FARP1: variants seen among roughly 807,000 people sequenced by gnomAD.
FARP1 encodes the protein FERM, ARH/RhoGEF and pleckstrin domain protein 1.
FARP1 carries 52 observed loss-of-function variants against 128.8 expected under a neutral mutation model. That is an observed-to-expected ratio of 0.40 (90% CI 0.32 to 0.51). The LOEUF (loss-of-function observed/expected upper bound fraction) is 0.51, where lower values mean the gene tolerates loss of function less well. FARP1 is among the 20% of genes least tolerant of loss of function. FARP1 has a pLI of 0.45. For missense variants in FARP1, 1,333 were observed against 1,367.9 expected, an observed-to-expected ratio of 0.97 and a Z score of 0.40; for synonymous variants, 580 against 551.8, an observed-to-expected ratio of 1.05 and a Z score of -0.72.
chr13:98,171,875 G>A (rs1429753428), intron 1 of FARP1, among the ~76,000 whole-genome samples: 2 of 152,134 alleles, frequency 1.3e-5, no homozygotes, highest in African/African-American at 4.8e-5. Context: ...GCCCCTGAAC[G>A]TATCTGCACA....
At chr13:98,436,562 G>A (rs1892279328) in intron 19 of FARP1, among the ~76,000 whole-genome samples, 1 of 152,204 alleles carries the variant, frequency 6.6e-6, no homozygotes, top group Non-Finnish European at 1.5e-5. Context: ...TTTCCAACAA[G>A]CAGCTGCCCT....
At chr13:98,282,857 C>T (rs1884995218) in intron 2 of FARP1, among the ~76,000 whole-genome samples, 1 of 151,930 alleles carries the variant, frequency 6.6e-6, no homozygotes, top group Non-Finnish European at 1.5e-5. Flanking sequence ...GCAGAGATCA[C>T]GCCACTGCAC....
intron 3 of FARP1, among the ~76,000 whole-genome samples, chr13:98,344,784 T>C (rs1327598937): frequency 7.2e-5 from 11 of 152,300 alleles, no homozygotes; most frequent in Non-Finnish European, 1.5e-4. Flanking sequence ...GGCCTAAAAA[T>C]GAGAACAAGT....
chr13:98,221,817 G>A (rs1881430081), intron 2 of FARP1, among the ~76,000 whole-genome samples: 1 of 152,148 alleles, frequency 6.6e-6, no homozygotes, highest in Non-Finnish European at 1.5e-5. Context: ...TCTAGGGTAG[G>A]TCTTCTCAAT....
intron 2 of FARP1, among the ~76,000 whole-genome samples, chr13:98,252,919 A>T (rs781558620): frequency 6.6e-6 from 1 of 152,174 alleles, no homozygotes; most frequent in Non-Finnish European, 1.5e-5. Context: ...AAATTGTTTG[A>T]CACCAACATT....
intron 2 of FARP1, among the ~76,000 whole-genome samples, chr13:98,256,137 G>A (rs937254886): frequency 1.6e-4 from 25 of 152,166 alleles, no homozygotes; most frequent in African/African-American, 4.6e-4. Flanking sequence ...TGAAAGTGTG[G>A]TTAATGATCA....
At chr13:98,297,661 C>T (rs1885757123) in intron 2 of FARP1, among the ~76,000 whole-genome samples, 2 of 152,016 alleles carry the variant, frequency 1.3e-5, no homozygotes, top group African/African-American at 2.4e-5. Flanking sequence ...TGGGTGGGGA[C>T]GTTATGTTTA....
chr13:98,352,409 A>C (rs937659410), intron 3 of FARP1, among the ~76,000 whole-genome samples: 7 of 152,200 alleles, frequency 4.6e-5, no homozygotes, highest in African/African-American at 7.2e-5. Flanking sequence ...GAGACGGGCC[A>C]TCACTCAAGA....
intron 2 of FARP1, among the ~76,000 whole-genome samples, chr13:98,310,054 C>A (rs775248910): frequency 4.8e-5 from 7 of 146,602 alleles, no homozygotes; most frequent in Non-Finnish European, 7.4e-5. Context: ...CCAATCTGCT[C>A]TTTTGTTCCA....
chr13:98,446,508 C>T (rs949855281), intron 25 of FARP1, 158 bp from the exon 26 acceptor site: 23 of 724,494 alleles, frequency 3.2e-5, no homozygotes, highest in Non-Finnish European at 4.1e-5. Flanking sequence ...CGGGCCATCA[C>T]GTACAGGCAA....
At chr13:98,161,898 GC>G (rs1316030341) in intron 1 of FARP1, among the ~76,000 whole-genome samples, 101 of 152,192 alleles carry the variant, frequency 6.6e-4, no homozygotes, top group African/African-American at 2.2e-3. Context: ...ACCCACCTCA[GC>G]CTCTTAAGTA....
rs553251221 is a variant in FARP1 at position 98,282,080 on chromosome 13, G to A, written c.172-61682G>A. ...AATGCTTTGGGAGGCCTAGGTGGGCGGATCACTTGAGCTCAGCAGTTCCAG... is the reference window on the plus strand; with the variant it reads ...AATGCTTTGGGAGGCCTAGGTGGGCAGATCACTTGAGCTCAGCAGTTCCAG... On this transcript the variant is annotated intron_variant, in intron 2 of 26. Transcript: ENST00000319562. Among the ~76,000 whole-genome samples the A allele has an allele frequency of 2.2e-4, 34 of 152,202 alleles. No homozygotes were observed. The Middle Eastern group carries it at 0.02, about 91-fold the overall frequency.
intron 6 of FARP1, among the ~76,000 whole-genome samples, chr13:98,379,165 A>G (rs1196131457): frequency 2.5e-4 from 29 of 114,934 alleles, no homozygotes; most frequent in African/African-American, 8.6e-4. Flanking sequence ...TATATATAAT[A>G]TATAATCTAT....
At chr13:98,443,040 G>A (rs1269076200) in intron 24 of FARP1, among the ~76,000 whole-genome samples, 6 of 152,346 alleles carry the variant, frequency 3.9e-5, no homozygotes, top group South Asian at 4.1e-4. Context: ...GCAGCCTTCC[G>A]TGTGCATGAT....
chr13:98,276,912 T>C (rs1884680568), intron 2 of FARP1, among the ~76,000 whole-genome samples: 1 of 150,998 alleles, frequency 6.6e-6, no homozygotes, highest in African/African-American at 2.5e-5. Context: ...AAGACCACAA[T>C]AGCTGTTCAT....
intron 3 of FARP1, among the ~76,000 whole-genome samples, chr13:98,350,368 G>T (rs1888364842): frequency 3.9e-5 from 6 of 152,188 alleles, no homozygotes. Context: ...AATTGAGCCA[G>T]AAGTACAGAG....
chr13:98,230,705 A>G (rs1882061032), intron 2 of FARP1, among the ~76,000 whole-genome samples: 1 of 152,162 alleles, frequency 6.6e-6, no homozygotes, highest in Non-Finnish European at 1.5e-5. Context: ...CTTGGGAAAC[A>G]CTGCTGTGAT....
chr13:98,295,042 A>G (rs1444787866), intron 2 of FARP1, among the ~76,000 whole-genome samples: 1 of 143,668 alleles, frequency 7.0e-6, no homozygotes. Context: ...ATATATATAT[A>G]TATTACACAC....
In FARP1 at chr13:98,372,556, C is replaced by T. The variant is rs549673943; in HGVS notation, c.398+4361C>T. Among the ~76,000 whole-genome samples, 58 of 152,254 alleles carry T rather than the reference C, an allele frequency of 3.8e-4. No individual in the cohort carries two copies. The South Asian group carries it at 0.011, about 30-fold the overall frequency. ...GACCCTATCAGAACATGCTGCTCTGCGCCCTGCACGCCCTACTGAAGTGTT... is the reference window on the plus strand; with the variant it reads ...GACCCTATCAGAACATGCTGCTCTGTGCCCTGCACGCCCTACTGAAGTGTT... On this transcript the variant is annotated intron_variant, in intron 5 of 26. Coordinates refer to ENST00000319562, the MANE Select transcript of FARP1 (RefSeq NM_005766.4).
Sources: gnomAD v4.1 joint callset for allele counts (sites outside exome capture counted in the v4.1 genomes callset) on GRCh38, gnomAD v4.1.1 for gene constraint, MANE v1.5 for transcripts, NCBI Gene and HGNC (gene_info 2026-07-23, HGNC 2026-07-21) for gene names.